Variants in MAGI2 observed in about 807,000 individuals in gnomAD.
MAGI2 encodes the protein membrane-associated guanylate kinase, WW and PDZ domain-containing protein 2.
In MAGI2, 35 loss-of-function variants were observed where a neutral mutation model predicts 133.3. The observed-to-expected ratio is 0.26, with a 90% CI of 0.20 to 0.35. MAGI2 has a LOEUF of 0.35. Ranked by LOEUF, MAGI2 falls within the 10% of genes least tolerant of loss-of-function variation. The probability of loss-of-function intolerance (pLI) is 1.00; values close to 1 mark genes in which losing one functional copy is unlikely to be tolerated. For missense variants in MAGI2, 1,636 were observed against 1,863.4 expected, an observed-to-expected ratio of 0.88 and a Z score of 2.25; for synonymous variants, 729 against 710.6, an observed-to-expected ratio of 1.03 and a Z score of -0.41.
intron 1 of MAGI2, among the ~76,000 whole-genome samples, chr7:79,317,370 T>C (rs1383702717): frequency 1.3e-5 from 2 of 152,088 alleles, no homozygotes; most frequent in Non-Finnish European, 2.9e-5. Context: ...CATATGTTAT[T>C]GTCAAAAATT....
At chr7:78,087,533 C>A (rs932506760) in intron 20 of MAGI2, among the ~76,000 whole-genome samples, 3 of 151,966 alleles carry the variant, frequency 2.0e-5, no homozygotes, top group East Asian at 1.9e-4. Flanking sequence ...TCATAATGAA[C>A]CTGGGAGAGA....
intron 2 of MAGI2, among the ~76,000 whole-genome samples, chr7:78,849,484 C>T (rs1584138989): frequency 6.6e-6 from 1 of 151,972 alleles, no homozygotes; most frequent in Non-Finnish European, 1.5e-5. Flanking sequence ...GAAGGTAACA[C>T]ATGAAGGCTG....
intron 9 of MAGI2, among the ~76,000 whole-genome samples, chr7:78,268,398 A>G (rs1305411425): frequency 6.6e-6 from 1 of 152,206 alleles, no homozygotes; most frequent in African/African-American, 2.4e-5. Flanking sequence ...AATAATAACT[A>G]TAGCTACTAC....
At chr7:79,135,227 G>GA (rs34131037) in intron 1 of MAGI2, among the ~76,000 whole-genome samples, 97,626 of 151,526 alleles carry the variant, frequency 0.64, 35,123 homozygotes, top group Non-Finnish European at 0.82. Context: ...AAAACTGTAG[G>GA]AAAAAAAACA....
At chr7:78,352,506 C>T (rs888321135) in intron 7 of MAGI2, among the ~76,000 whole-genome samples, 5 of 152,138 alleles carry the variant, frequency 3.3e-5, no homozygotes, top group African/African-American at 9.7e-5. Flanking sequence ...CTTCTATAAA[C>T]GTCCATTCAT....
At chr7:78,231,407 G>A (rs888208924) in intron 10 of MAGI2, among the ~76,000 whole-genome samples, 1 of 152,206 alleles carries the variant, frequency 6.6e-6, no homozygotes, top group African/African-American at 2.4e-5. Context: ...CCTGGCCCCT[G>A]CGCTCTAAAT....
chr7:78,195,456 A>G (rs1030522745), intron 11 of MAGI2, among the ~76,000 whole-genome samples: 1 of 152,218 alleles, frequency 6.6e-6, no homozygotes, highest in Admixed American at 6.5e-5. Context: ...TGGTTTCAAC[A>G]TATTACATCA....
intron 2 of MAGI2, among the ~76,000 whole-genome samples, chr7:78,926,337 T>C (rs574405286): frequency 2.0e-5 from 3 of 152,178 alleles, no homozygotes; most frequent in East Asian, 3.9e-4. Context: ...GATAAATACG[T>C]TCTGGGTATG....
At chr7:78,440,356 G>T (rs980214313) in intron 6 of MAGI2, among the ~76,000 whole-genome samples, 2 of 152,088 alleles carry the variant, frequency 1.3e-5, no homozygotes, top group South Asian at 4.1e-4. Context: ...TTGAACTCGG[G>T]CAATCTGACA....
intron 2 of MAGI2, among the ~76,000 whole-genome samples, chr7:78,867,823 A>C (rs951107635): frequency 2.0e-5 from 3 of 152,152 alleles, no homozygotes; most frequent in African/African-American, 7.2e-5. Context: ...GGATGCGGAG[A>C]AGGCAGCAAA....
chr7:78,575,693 C>T (rs1424844545), intron 3 of MAGI2, among the ~76,000 whole-genome samples: 1 of 152,054 alleles, frequency 6.6e-6, no homozygotes, highest in East Asian at 1.9e-4. Context: ...AACCCATAAC[C>T]CAGACTAACC....
intron 1 of MAGI2, among the ~76,000 whole-genome samples, chr7:79,377,980 T>C (rs1022345824): frequency 5.3e-5 from 8 of 151,858 alleles, no homozygotes; most frequent in African/African-American, 1.9e-4. Context: ...AGCTGAACAG[T>C]GCGTGATTCA....
intron 1 of MAGI2, among the ~76,000 whole-genome samples, chr7:79,121,217 T>G (rs893186896): frequency 6.6e-6 from 1 of 152,100 alleles, no homozygotes; most frequent in Non-Finnish European, 1.5e-5. Flanking sequence ...TCAATGAAAT[T>G]AGAATGAAAA....
At chr7:78,243,247 ACACACACACACACACACACACACTCT>A (rs1791352476) in intron 10 of MAGI2, among the ~76,000 whole-genome samples, 1 of 39,860 alleles carries the variant, frequency 2.5e-5, no homozygotes, top group Non-Finnish European at 6.8e-5. Flanking sequence ...ACACACACAC[ACACACACACACACACACACACACTCT>A]CTCTCTCTCT....
chr7:79,028,597 C>T (rs1810259403), intron 1 of MAGI2, among the ~76,000 whole-genome samples: 1 of 151,950 alleles, frequency 6.6e-6, no homozygotes, highest in Non-Finnish European at 1.5e-5. Flanking sequence ...AGCACAAATA[C>T]TGCTTTTCCA....
chr7:78,549,684 T>TA (rs1169449688), intron 3 of MAGI2, among the ~76,000 whole-genome samples: 1 of 152,152 alleles, frequency 6.6e-6, no homozygotes, highest in African/African-American at 2.4e-5. Flanking sequence ...ATGTGACACA[T>TA]AAAAAAGACT....
intron 1 of MAGI2, among the ~76,000 whole-genome samples, chr7:79,211,021 C>A (rs979478052): frequency 6.6e-6 from 1 of 151,896 alleles, no homozygotes; most frequent in Non-Finnish European, 1.5e-5. Flanking sequence ...GGAAAACAAC[C>A]CAAACATTTT....
chr7:79,058,893 T>C (rs1309671830), intron 1 of MAGI2, among the ~76,000 whole-genome samples: 5 of 152,084 alleles, frequency 3.3e-5, no homozygotes, highest in African/African-American at 9.7e-5. Context: ...AGTGTCCTTA[T>C]GAGTAGATAA....
chr7:79,173,329 T>G (rs1306819146), intron 1 of MAGI2, among the ~76,000 whole-genome samples: 1 of 152,010 alleles, frequency 6.6e-6, no homozygotes, highest in Non-Finnish European at 1.5e-5. Context: ...AATTGCATTT[T>G]TTTTTTTACT....
Sources: allele counts gnomAD v4.1 joint callset (sites outside exome capture counted in the v4.1 genomes callset), GRCh38; gene constraint gnomAD v4.1.1; transcripts MANE v1.5; gene names NCBI Gene and HGNC (gene_info 2026-07-23, HGNC 2026-07-21).